Variants in MLYCD observed in about 807,000 individuals in gnomAD.
MLYCD encodes malonyl-CoA decarboxylase, mitochondrial.
In MLYCD, 27 loss-of-function variants were observed where a neutral mutation model predicts 35.8. The observed-to-expected ratio is 0.75, with a 90% confidence interval of 0.56 to 1.04. The LOEUF (loss-of-function observed/expected upper bound fraction) is 1.04. Among genes scored for constraint, MLYCD ranks in the 50% least tolerant of loss-of-function variants. The pLI is 0.00. For missense variants in MLYCD, 917 were observed against 665.1 expected (o/e 1.38, Z -4.17); for synonymous variants, 403 against 302.4 (o/e 1.33, Z -3.45).
At position 83,920,526 on chromosome 16, in the gene MLYCD, C is replaced by T. The variant is rs535884818; in HGVS notation, c.*5037C>T. 6.6e-6 allele frequency: 1 copy of T among 152,486 alleles called. No individual in the cohort carries two copies. The highest frequency in any genetic ancestry group is 2.4e-5 in the African/African-American group (1 of 41,566). The allele number at this position is 152,486 out of a possible 1,614,324, so 9.4% of individuals were successfully genotyped here. Reference sequence around the variant, plus strand: ...TCTCTCCCTCTTCCCTTTCCCCTTCCTCCCTCCTGCCCTCGAATCTGCAAG... The same window carrying T: ...TCTCTCCCTCTTCCCTTTCCCCTTCTTCCCTCCTGCCCTCGAATCTGCAAG... On this transcript the variant is annotated 3_prime_UTR_variant, in exon 5 of 5. Coordinates refer to ENST00000262430, the MANE Select transcript of MLYCD (RefSeq NM_012213.3).
Position 83,919,743 on chromosome 16 carries a change from C to CAGGAGAACACATGGTGCACAGG in MLYCD, c.*4256_*4257insGAGAACACATGGTGCACAGGAG, listed in dbSNP as rs566610600. On this transcript the variant is annotated 3_prime_UTR_variant, in exon 5 of 5. Coordinates refer to ENST00000262430, the MANE Select transcript of MLYCD (RefSeq NM_012213.3). ...CACAGTGCACAGAACACACAGTGCACAGAACACACGGTGCACAGGAGAACA... is the reference window on the plus strand; with the variant it reads ...CACAGTGCACAGAACACACAGTGCACAGGAGAACACATGGTGCACAGGAGAACACACGGTGCACAGGAGAACA... 3.4e-5 allele frequency: 5 copies of CAGGAGAACACATGGTGCACAGG among 148,598 alleles called. No individual in the cohort carries two copies. Among genetic ancestry groups the CAGGAGAACACATGGTGCACAGG allele is most frequent in the African/African-American group, 1.3e-4 (5 of 39,192 alleles). 9.2% of individuals were successfully genotyped at this position (148,598 alleles called of 1,614,324 possible). A position where few individuals can be genotyped will look rare whatever the true frequency, so the allele number is the denominator to read the frequency against.
chr16:83,906,679 A>G (rs946973491), intron 1 of MLYCD, among the ~76,000 whole-genome samples: 4 of 152,212 alleles, frequency 2.6e-5, no homozygotes, highest in Admixed American at 6.5e-5. Flanking sequence ...TATGCTCACT[A>G]TGGTGAACGA....
chr16:83,906,518 T>A (rs543489558), intron 1 of MLYCD, among the ~76,000 whole-genome samples: 1 of 152,150 alleles, frequency 6.6e-6, no homozygotes, highest in Non-Finnish European at 1.5e-5. Context: ...CTGAACCAAG[T>A]ACTTGTCTTT....
chr16:83,902,504 A>ATT lies in MLYCD; in HGVS notation c.528+2850_528+2851dup, dbSNP rs67006643. On this transcript the variant is annotated intron_variant, in intron 1 of 4. Transcript: ENST00000262430. ...TGATCTGATCTATTTTTTTAATCTG[A>ATT]TTTTTTTTTTTTTTTTTTTGAGACA... Among the ~76,000 whole-genome samples the ATT allele has an allele frequency of 5.5e-3, 699 of 127,522 alleles. 13 individuals are homozygous for ATT. Among genetic ancestry groups the ATT allele is most frequent in the South Asian group, 1.0e-2 (40 of 4,020 alleles). The allele number at this position is 127,522 out of a possible 152,430, so 83.7% of individuals were successfully genotyped here.
At chr16:83,906,525 C>G (rs894071558) in intron 1 of MLYCD, among the ~76,000 whole-genome samples, 2 of 152,112 alleles carry the variant, frequency 1.3e-5, no homozygotes, top group African/African-American at 4.8e-5. Context: ...AAGTACTTGT[C>G]TTTCTTAGGA....
rs1288419991 is a variant in MLYCD, at chr16:83,921,939, A to T, written c.*6450A>T. On this transcript the variant is annotated 3_prime_UTR_variant, in exon 5 of 5. Transcript: ENST00000262430. ...TCAGTGCCCAGGTGACATCGTCACAAGGGGAACACAGTGGCTAAGAGGGCA... is the reference window on the plus strand; with the variant it reads ...TCAGTGCCCAGGTGACATCGTCACATGGGGAACACAGTGGCTAAGAGGGCA... The T allele has an allele frequency of 7.2e-6, 1 of 138,312 alleles. No individual in the cohort carries two copies. The highest frequency in any genetic ancestry group is 1.6e-5 in the Non-Finnish European group (1 of 61,240). 8.6% of individuals were successfully genotyped at this position (138,312 alleles called of 1,614,324 possible). A position where few individuals can be genotyped will look rare whatever the true frequency, so the allele number is the denominator to read the frequency against.
At chr16:83,914,535 G>C (rs747521992) in intron 4 of MLYCD, 2 of 289,858 alleles carry the variant, frequency 6.9e-6, no homozygotes, top group Non-Finnish European at 1.3e-5. Context: ...CGGTTTTGCC[G>C]ACATGAGAAG....
intron 1 of MLYCD, among the ~76,000 whole-genome samples, chr16:83,901,250 C>G (rs1445639710): frequency 6.6e-6 from 1 of 152,184 alleles, no homozygotes; most frequent in African/African-American, 2.4e-5. Flanking sequence ...GTCTGAATAG[C>G]TGAGTTTTTC....
At chr16:83,906,232 C>CA (rs61412809) in intron 1 of MLYCD, among the ~76,000 whole-genome samples, 7,156 of 151,108 alleles carry the variant, frequency 0.047, 235 homozygotes, top group East Asian at 0.11. Context: ...ACAAAAAAGA[C>CA]AAAAAAAAAT....
At chr16:83,914,712 G>C in intron 4 of MLYCD, 1 of 526,432 alleles carries the variant, frequency 1.9e-6, no homozygotes, top group Non-Finnish European at 3.4e-6. Context: ...CCAGGAGATG[G>C]AGGCTGCAGT....
At chr16:83,906,811 G>T (rs562397273) in intron 1 of MLYCD, among the ~76,000 whole-genome samples, 176 bp from the exon 2 acceptor site, 57 of 152,332 alleles carry the variant, frequency 3.7e-4, no homozygotes, top group Admixed American at 8.5e-4. Flanking sequence ...GCCTGACTTG[G>T]TTTGAGATAA....
At chr16:83,914,514 C>T in intron 4 of MLYCD, 1 of 277,822 alleles carries the variant, frequency 3.6e-6, no homozygotes, top group South Asian at 3.7e-5. Flanking sequence ...AGTCCCCCAA[C>T]ACTCTAGTCT....
At position 83,919,019 on chromosome 16, in the gene MLYCD, G is replaced by A. The variant is rs1292834549; in HGVS notation, c.*3530G>A. 6.9e-6 allele frequency: 1 copy of A among 145,676 alleles called. No homozygotes were observed. The highest frequency in any genetic ancestry group is 1.5e-5 in the Non-Finnish European group (1 of 67,368). 9.0% of individuals were successfully genotyped at this position (145,676 alleles called of 1,614,324 possible). A position where few individuals can be genotyped will look rare whatever the true frequency, so the allele number is the denominator to read the frequency against. ...ATGTACAGGAGAATACGCACACACA[G>A]TGCACAGGAGAACATACACGCAGTA... On this transcript the variant is annotated 3_prime_UTR_variant, in exon 5 of 5. Coordinates refer to ENST00000262430, the MANE Select transcript of MLYCD (RefSeq NM_012213.3).
At chr16:83,906,583 TGAG>T (rs1341566550) in intron 1 of MLYCD, among the ~76,000 whole-genome samples, 2 of 152,218 alleles carry the variant, frequency 1.3e-5, no homozygotes, top group African/African-American at 2.4e-5. Context: ...CCCGAGAGGA[TGAG>T]GACAGTGCTG....
At position 83,912,424 on chromosome 16, in the gene MLYCD, G is replaced by A. The variant is rs893361995; in HGVS notation, c.948+57G>A. On this transcript the variant is annotated intron_variant, in intron 4 of 4. Coordinates refer to ENST00000262430, the MANE Select transcript of MLYCD (RefSeq NM_012213.3). ...TTGGCTTCCGTGTGGTCAGGTCAGC[G>A]AACCTCGTGGGGTGTCAGGTGCCAT... The A allele has an allele frequency of 1.9e-5, 31 of 1,607,996 alleles. No homozygotes were observed. In the Admixed American group the frequency reaches 3.9e-4, roughly 20 times the overall value.
Position 83,923,012 on chromosome 16 carries a change from G to T in MLYCD, c.*7523G>T, listed in dbSNP as rs1907701196. 6.6e-6 allele frequency: 1 copy of T among 152,384 alleles called. No homozygotes were observed. Among genetic ancestry groups the T allele is most frequent in the South Asian group, 2.1e-4 (1 of 4,824 alleles). The allele number at this position is 152,384 out of a possible 1,614,324, so 9.4% of individuals were successfully genotyped here. On this transcript the variant is annotated 3_prime_UTR_variant, in exon 5 of 5. Coordinates refer to ENST00000262430, the MANE Select transcript of MLYCD (RefSeq NM_012213.3). Reference sequence around the variant, plus strand: ...CAGGCCACCGGCTAGCTCCAGACTGGCTCTGCAGGGCCTCAGAATCTGAAC... The same window carrying T: ...CAGGCCACCGGCTAGCTCCAGACTGTCTCTGCAGGGCCTCAGAATCTGAAC...
intron 1 of MLYCD, among the ~76,000 whole-genome samples, chr16:83,900,606 T>TTG (rs1906750963): frequency 7.0e-6 from 1 of 142,818 alleles, no homozygotes; most frequent in African/African-American, 2.6e-5. Context: ...TTTTTTTTTT[T>TTG]GTAGAGAGGG....
intron 3 of MLYCD, 187 bp from the exon 4 acceptor site, chr16:83,912,031 C>T (rs1055883276): frequency 5.4e-5 from 42 of 777,092 alleles, no homozygotes; most frequent in Non-Finnish European, 9.0e-5. Context: ...GTGGAGTCGC[C>T]TCCTCCAGAG....
At chr16:83,904,746 C>A (rs79249917) in intron 1 of MLYCD, among the ~76,000 whole-genome samples, 3 of 152,320 alleles carry the variant, frequency 2.0e-5, no homozygotes, top group Admixed American at 1.3e-4. Context: ...CAAACAGCTC[C>A]GTTGAGTTCT....
Sources: gnomAD v4.1 joint callset for allele counts (sites outside exome capture counted in the v4.1 genomes callset) on GRCh38, gnomAD v4.1.1 for gene constraint, MANE v1.5 for transcripts, NCBI Gene and HGNC (gene_info 2026-07-23, HGNC 2026-07-21) for gene names.